The following MACROD1 variants were observed in gnomAD, a reference collection of about 807,000 sequenced individuals.
The protein encoded by MACROD1 is mono-ADP ribosylhydrolase 1.
Under a neutral mutation model 41.4 loss-of-function variants are expected in MACROD1, and 31 were observed. That is an observed-to-expected ratio of 0.75 (90% CI 0.56 to 1.01). The LOEUF (loss-of-function observed/expected upper bound fraction) is 1.01. Ranked by LOEUF, MACROD1 falls within the 50% of genes least tolerant of loss-of-function variation. MACROD1 has a pLI of 0.00. For missense variants in MACROD1, 473 were observed against 460.0 expected, an observed-to-expected ratio of 1.03 and a Z score of -0.26; for synonymous variants, 252 against 203.4, an observed-to-expected ratio of 1.24 and a Z score of -2.03.
chr11:64,153,509 G>A (rs1945617349), intron 1 of MACROD1, among the ~76,000 whole-genome samples: 1 of 152,178 alleles, frequency 6.6e-6, no homozygotes, highest in Non-Finnish European at 1.5e-5. Context: ...GAGGTTGGGA[G>A]GCCACCCTCA....
In MACROD1 at chr11:64,015,268, C is replaced by T; in HGVS notation, c.531G>A (p.Leu177=). 6.2e-7 allele frequency: 1 copy of T among 1,605,800 alleles called. No individual in the cohort carries two copies. Among genetic ancestry groups the T allele is most frequent in the Non-Finnish European group, 8.5e-7 (1 of 1,176,216 alleles). The change falls in exon 4 of 11, where the codon CTG becomes CTA. Residue 177 remains leucine (L), a synonymous_variant. Coordinates refer to ENST00000255681, the MANE Select transcript of MACROD1 (RefSeq NM_014067.4). ...DAIVNAANSS[L]LGGGGVDGCI... ...TCCACTCACCGCCACCGCCTCCGAG[C>T]AGGGAGCTGTTGGCTGCAAGAGAGA...
chr11:64,008,607 G>A (rs1382535087), intron 4 of MACROD1, among the ~76,000 whole-genome samples: 2 of 152,176 alleles, frequency 1.3e-5, no homozygotes, highest in East Asian at 3.8e-4. Flanking sequence ...GGGGAAGACA[G>A]TGAGGGAAGC....
chr11:64,075,212 C>G lies in MACROD1; in HGVS notation c.518-59931G>C, dbSNP rs1003728626. 4.6e-5 allele frequency among the ~76,000 whole-genome samples: 7 copies of G among 152,230 alleles called. No homozygotes were observed. In the East Asian group the frequency reaches 1.3e-3, roughly 29 times the overall value. ...GCCATGAGCCTGGACCATTCTGATC[C>G]ACATGCCAGCTCCAGCCTCTCAGGG... On this transcript the variant is annotated intron_variant, in intron 3 of 10. Coordinates refer to ENST00000255681, the MANE Select transcript of MACROD1 (RefSeq NM_014067.4).
At chr11:64,084,791 T>C (rs1944365918) in intron 3 of MACROD1, among the ~76,000 whole-genome samples, 1 of 152,154 alleles carries the variant, frequency 6.6e-6, no homozygotes, top group Non-Finnish European at 1.5e-5. Context: ...CAGCCCAGAC[T>C]GGGCAACCAA....
intron 3 of MACROD1, among the ~76,000 whole-genome samples, chr11:64,130,758 A>C (rs1590951489): frequency 1.3e-5 from 2 of 150,472 alleles, no homozygotes; most frequent in South Asian, 2.1e-4. Flanking sequence ...CCACCTCCCC[A>C]CCCGCCACCC....
chr11:64,004,644 C>G (rs930209725), intron 4 of MACROD1, among the ~76,000 whole-genome samples: 1 of 152,110 alleles, frequency 6.6e-6, no homozygotes, highest in African/African-American at 2.4e-5. Flanking sequence ...GTGGGGCTGG[C>G]CCACGCTGTG....
chr11:64,117,304 G>A (rs781063452), intron 3 of MACROD1: 17 of 1,614,010 alleles, frequency 1.1e-5, no homozygotes, highest in East Asian at 2.2e-5. Flanking sequence ...GTGAAGGCAC[G>A]GGCGGCCGTG....
At position 64,165,999 on chromosome 11, in the gene MACROD1, G is replaced by C; in HGVS notation, c.-5C>G. 4 of 1,261,210 alleles carry C rather than the reference G, an allele frequency of 3.2e-6. No individual in the cohort carries two copies. Among genetic ancestry groups the C allele is most frequent in the Non-Finnish European group, 9.9e-7 (1 of 1,006,572 alleles). 78.1% of individuals were successfully genotyped at this position (1,261,210 alleles called of 1,614,324 possible). ...CAGTCGGCTCTGTAGAGACATGAGC[G>C]GGCGGCGCGGGACGGCTCTCCGCCC... On this transcript the variant is annotated 5_prime_UTR_variant, in exon 1 of 11. Coordinates refer to ENST00000255681, the MANE Select transcript of MACROD1 (RefSeq NM_014067.4).
At chr11:64,088,266 G>C (rs1041579148) in intron 3 of MACROD1, among the ~76,000 whole-genome samples, 3 of 152,206 alleles carry the variant, frequency 2.0e-5, no homozygotes, top group Non-Finnish European at 4.4e-5. Flanking sequence ...GCACCCAGGG[G>C]AGCCGTAGCC....
At chr11:64,035,966 G>C (rs1943371705) in intron 3 of MACROD1, 2 of 147,546 alleles carry the variant, frequency 1.4e-5, no homozygotes, top group African/African-American at 4.9e-5. Flanking sequence ...CGCCCGAGCC[G>C]GGCAGATGCG....
At chr11:64,097,237 T>A (rs927590436) in intron 3 of MACROD1, among the ~76,000 whole-genome samples, 1 of 152,114 alleles carries the variant, frequency 6.6e-6, no homozygotes, top group Admixed American at 6.5e-5. Flanking sequence ...GACTGCTGGG[T>A]CCAGTGGGGC....
intron 3 of MACROD1, among the ~76,000 whole-genome samples, chr11:64,104,855 G>A (rs1377977162): frequency 6.6e-6 from 1 of 152,170 alleles, no homozygotes; most frequent in Non-Finnish European, 1.5e-5. Context: ...CGCTGAGGAG[G>A]GGCTGACTCC....
rs558371141 is a variant in MACROD1 at position 64,021,854 on chromosome 11, C to G, written c.518-6573G>C. 2.3e-4 allele frequency among the ~76,000 whole-genome samples: 34 copies of G among 149,576 alleles called. 1 individual carries two copies. The South Asian group carries it at 6.6e-3, about 29-fold the overall frequency. ...CTGGCTGGGAGACCATCAGGAAAGA[C>G]AGCACGAGAATCAACTTGCACAAGA... On this transcript the variant is annotated intron_variant, in intron 3 of 10. Coordinates refer to ENST00000255681, the MANE Select transcript of MACROD1 (RefSeq NM_014067.4).
chr11:64,026,429 AAC>A (rs1309688417), intron 3 of MACROD1, among the ~76,000 whole-genome samples: 1 of 152,138 alleles, frequency 6.6e-6, no homozygotes, highest in Non-Finnish European at 1.5e-5. Flanking sequence ...GTCTCATGCA[AAC>A]ACAGTGGCAG....
chr11:64,118,209 A>C, intron 3 of MACROD1: 1 of 1,613,350 alleles, frequency 6.2e-7, no homozygotes, highest in Non-Finnish European at 8.5e-7. Flanking sequence ...CAGCCTCTGC[A>C]AGGCCACACA....
intron 3 of MACROD1, among the ~76,000 whole-genome samples, chr11:64,091,268 C>T (rs1944485532): frequency 6.6e-6 from 1 of 152,046 alleles, no homozygotes; most frequent in Non-Finnish European, 1.5e-5. Flanking sequence ...TTCATCCTGC[C>T]TCAGAAGGAG....
At chr11:64,053,949 C>T (rs907352946) in intron 3 of MACROD1, among the ~76,000 whole-genome samples, 9 of 152,266 alleles carry the variant, frequency 5.9e-5, no homozygotes, top group African/African-American at 2.2e-4. Flanking sequence ...TTGCATGGCA[C>T]GGAGCTGTTC....
In MACROD1 at chr11:64,144,572, G is replaced by A. The variant is rs573489623; in HGVS notation, c.517+6667C>T. On this transcript the variant is annotated intron_variant, in intron 3 of 10. Transcript: ENST00000255681. ...GCACATCCAGAGTGGCCAGGGCACC[G>A]GAAAGTGGCCCGGCCCCACCTGCTC... Among the ~76,000 whole-genome samples, 10 of 152,316 alleles carry A rather than the reference G, an allele frequency of 6.6e-5. No homozygotes were observed. In the East Asian group the frequency reaches 1.5e-3, roughly 24 times the overall value.
At chr11:64,051,278 TG>T (rs1397317358) in intron 3 of MACROD1, among the ~76,000 whole-genome samples, 2 of 152,184 alleles carry the variant, frequency 1.3e-5, no homozygotes, top group Non-Finnish European at 2.9e-5. Flanking sequence ...GGGGAGGGGC[TG>T]GTCCCTCTTT....
Sources: gnomAD v4.1 joint callset for allele counts (sites outside exome capture counted in the v4.1 genomes callset) on GRCh38, gnomAD v4.1.1 for gene constraint, MANE v1.5 for transcripts, NCBI Gene and HGNC (gene_info 2026-07-23, HGNC 2026-07-21) for gene names.